DSCAML1: variants seen among roughly 807,000 people sequenced by gnomAD.
DSCAML1 encodes the protein cell adhesion molecule DSCAML1.
A neutral mutation model predicts 200.5 loss-of-function variants in DSCAML1; 38 were observed. That is an observed-to-expected ratio of 0.19 (90% CI 0.15 to 0.25). The LOEUF (loss-of-function observed/expected upper bound fraction) is 0.25. Among genes scored for constraint, DSCAML1 ranks in the 10% least tolerant of loss-of-function variants. DSCAML1 has a pLI of 1.00. For synonymous variants in DSCAML1, 1,215 were observed against 1,165.0 expected, an observed-to-expected ratio of 1.04 and a Z score of -0.87; for missense variants, 2,223 against 2,858.8, an observed-to-expected ratio of 0.78 and a Z score of 5.07.
Position 117,428,092 on chromosome 11 carries a change from G to A in DSCAML1, c.*236C>T. On this transcript the variant is annotated 3_prime_UTR_variant, in exon 33 of 33. Transcript: ENST00000651296. ...ATCTCCACACATATTTTGTGGGGTG[G>A]GGGATTTGACTTGTACTGTCAAATT... is the stretch of plus-strand genomic sequence containing the variant. 2.2e-6 allele frequency: 1 copy of A among 456,584 alleles called. No individual in the cohort carries two copies. The highest frequency in any genetic ancestry group is 2.9e-5 in the South Asian group (1 of 34,718). The allele number at this position is 456,584 out of a possible 1,614,324, so 28.3% of individuals were successfully genotyped here.
At chr11:117,643,784 T>C (rs1408485445) in intron 3 of DSCAML1, among the ~76,000 whole-genome samples, 1 of 152,164 alleles carries the variant, frequency 6.6e-6, no homozygotes, top group East Asian at 1.9e-4. Context: ...GTCATCACCA[T>C]CAGGCTCCAG....
intron 8 of DSCAML1, among the ~76,000 whole-genome samples, chr11:117,509,365 A>T (rs1003848114): frequency 6.6e-6 from 1 of 152,182 alleles, no homozygotes; most frequent in African/African-American, 2.4e-5. Context: ...CTGAAGAAGA[A>T]GTAGCCAACA....
rs1232345593 is a variant in DSCAML1 at position 117,504,687 on chromosome 11, G to T, written c.2182+237C>A. Reference sequence around the variant, plus strand: ...AGATGGGAGAGGAGAGGTCGCGTCTGGGGGGACAAGAGGAAATACGGAGTC... The same window carrying T: ...AGATGGGAGAGGAGAGGTCGCGTCTTGGGGGACAAGAGGAAATACGGAGTC... On this transcript the variant is annotated intron_variant, in intron 10 of 32. Transcript: ENST00000651296. This position sits in a 1 kb window ranked among gnomAD's most constrained non-coding sequence, Gnocchi z 5.0. 1.4e-5 allele frequency among the ~76,000 whole-genome samples: 2 copies of T among 145,308 alleles called. No individual in the cohort carries two copies. The highest frequency in any genetic ancestry group is 3.1e-5 in the Non-Finnish European group (2 of 65,044).
intron 3 of DSCAML1, among the ~76,000 whole-genome samples, chr11:117,715,308 C>T (rs987540870): frequency 6.6e-6 from 1 of 151,938 alleles, no homozygotes; most frequent in Admixed American, 6.6e-5. Context: ...TCTCCTTCAG[C>T]TCTCCTTGCC....
At chr11:117,470,094 A>G (rs904857760) in intron 15 of DSCAML1, 114 bp from the exon 16 acceptor site, 15 of 927,976 alleles carry the variant, frequency 1.6e-5, no homozygotes, top group Non-Finnish European at 2.3e-5. Flanking sequence ...GAGAAGACTA[A>G]GCTCAGATGC....
intron 1 of DSCAML1, among the ~76,000 whole-genome samples, chr11:117,813,752 T>C (rs1475132457): frequency 6.6e-6 from 1 of 152,176 alleles, no homozygotes; most frequent in African/African-American, 2.4e-5. Flanking sequence ...CACTCTAGGT[T>C]CCCACGCCAC....
At chr11:117,507,853 C>T (rs549648951) in intron 8 of DSCAML1, among the ~76,000 whole-genome samples, 12 of 152,324 alleles carry the variant, frequency 7.9e-5, no homozygotes, top group East Asian at 5.8e-4. Flanking sequence ...CAGTCTCTGG[C>T]GGCCTCTTTT....
intron 3 of DSCAML1, among the ~76,000 whole-genome samples, chr11:117,609,777 T>A (rs996554443): frequency 3.3e-5 from 5 of 152,254 alleles, no homozygotes; most frequent in African/African-American, 1.2e-4. Context: ...TTGTTTCAAA[T>A]GATTTTTTTC....
chr11:117,686,781 G>T (rs2053407344), intron 3 of DSCAML1, among the ~76,000 whole-genome samples: 2 of 152,308 alleles, frequency 1.3e-5, no homozygotes, highest in East Asian at 1.9e-4. Context: ...GACCACAGAG[G>T]CAAGGACCAC....
chr11:117,496,624 C>A (rs563363083), intron 11 of DSCAML1, among the ~76,000 whole-genome samples: 2 of 152,192 alleles, frequency 1.3e-5, no homozygotes, highest in Non-Finnish European at 2.9e-5. Flanking sequence ...AGCTCAGATC[C>A]ATCTGGAAAC....
intron 3 of DSCAML1, among the ~76,000 whole-genome samples, chr11:117,628,754 C>A (rs577026399): frequency 6.6e-6 from 1 of 152,284 alleles, no homozygotes; most frequent in South Asian, 2.1e-4. Context: ...GGACTTATAT[C>A]CTCCTACACT....
intron 3 of DSCAML1, among the ~76,000 whole-genome samples, chr11:117,695,277 CA>C (rs2053566683): frequency 1.3e-5 from 2 of 150,212 alleles, no homozygotes; most frequent in South Asian, 2.1e-4. Flanking sequence ...TCCTAAATAA[CA>C]GGGCAGATCT....
chr11:117,589,416 C>T (rs1360011006), intron 3 of DSCAML1, among the ~76,000 whole-genome samples: 1 of 152,190 alleles, frequency 6.6e-6, no homozygotes, highest in Non-Finnish European at 1.5e-5. Context: ...CCCCTCCCAC[C>T]TCCCCCAACT....
At position 117,474,168 on chromosome 11, in the gene DSCAML1, C is replaced by T. The variant is rs558193968; in HGVS notation, c.2786-2132G>A. On this transcript the variant is annotated intron_variant, in intron 14 of 32. Coordinates refer to ENST00000651296, the MANE Select transcript of DSCAML1 (RefSeq NM_020693.4). ...ACCATTTACTCCTCACATCCTCCTG[C>T]GACATCAGTGCTCCATCTCCACAGC... Among the ~76,000 whole-genome samples the T allele has an allele frequency of 5.8e-4, 88 of 152,290 alleles. 1 individual carries two copies. Among genetic ancestry groups the T allele is most frequent in the African/African-American group, 2.0e-3 (85 of 41,552 alleles).
rs911617088 is a variant in DSCAML1 at position 117,716,557 on chromosome 11, G to A, written c.511+60234C>T. Among the ~76,000 whole-genome samples, 8 of 152,254 alleles carry A rather than the reference G, an allele frequency of 5.3e-5. No homozygotes were observed. The East Asian group carries it at 1.4e-3, about 26-fold the overall frequency. On this transcript the variant is annotated intron_variant, in intron 3 of 32. Coordinates refer to ENST00000651296, the MANE Select transcript of DSCAML1 (RefSeq NM_020693.4). Reference sequence around the variant, plus strand: ...ACAGGTGGGCGTGCCTAGCCAGAGAGGGGAGGGTAGTCCAGGGGAGCTCGA... The same window carrying A: ...ACAGGTGGGCGTGCCTAGCCAGAGAAGGGAGGGTAGTCCAGGGGAGCTCGA...
chr11:117,705,913 C>G (rs2053751453), intron 3 of DSCAML1, among the ~76,000 whole-genome samples: 1 of 152,164 alleles, frequency 6.6e-6, no homozygotes, highest in African/African-American at 2.4e-5. Context: ...CAAGAAGTGC[C>G]TTGTCCAGCG....
At chr11:117,509,797 T>C (rs2049582899) in intron 8 of DSCAML1, among the ~76,000 whole-genome samples, 1 of 152,216 alleles carries the variant, frequency 6.6e-6, no homozygotes, top group South Asian at 2.1e-4. Context: ...TTTCCATTTC[T>C]GGGAAAGCCA....
chr11:117,798,742 CATA>C (rs981477982), upstream of DSCAML1, among the ~76,000 whole-genome samples: 9 of 152,132 alleles, frequency 5.9e-5, no homozygotes, highest in African/African-American at 2.2e-4. Context: ...CTTCACTCAG[CATA>C]ATGTTTTCAA....
intron 3 of DSCAML1, among the ~76,000 whole-genome samples, chr11:117,751,607 G>A (rs989335868): frequency 1.3e-5 from 2 of 151,984 alleles, no homozygotes; most frequent in South Asian, 2.1e-4. Context: ...AGAGGAAAGC[G>A]CTCATCTTTC....
Sources: allele counts gnomAD v4.1 joint callset (sites outside exome capture counted in the v4.1 genomes callset), GRCh38; gene constraint gnomAD v4.1.1; non-coding constraint Gnocchi (gnomAD v3.1); transcripts MANE v1.5; gene names NCBI Gene and HGNC (gene_info 2026-07-23, HGNC 2026-07-21).